NEB: variants seen among roughly 807,000 people sequenced by gnomAD.
NEB encodes nebulin, also known as nemaline myopathy type 2.
A neutral mutation model predicts 952.2 loss-of-function variants in NEB; 512 were observed. That is an observed-to-expected ratio of 0.54 (90% CI 0.50 to 0.58). NEB has a LOEUF of 0.58. Ranked by LOEUF, NEB falls within the 20% of genes least tolerant of loss-of-function variation. NEB has a pLI of 0.00. For missense variants in NEB, 8,428 were observed against 9,231.1 expected (o/e 0.91, Z 3.56); for synonymous variants, 2,900 against 3,149.8 (o/e 0.92, Z 2.66).
In NEB at chr2:151,639,892, C is replaced by T. The variant is rs765225994; in HGVS notation, c.8854G>A (p.Val2952Met). ...GTGATGGCATTATTTTTGGCCAACA[C>T]TTGTTCCAGAGAGTCAGTCACACTG... is the stretch of plus-strand genomic sequence containing the variant. ...FTSVTDSLEQVLAKNNAITMN... is the reference protein window; with the variant it reads ...FTSVTDSLEQMLAKNNAITMN... Residue 2952 changes from valine to methionine, a missense_variant, in exon 62 of 182, where the codon GTG becomes ATG. Physicochemically the swap from Val to Met is conservative, Grantham distance 21 (BLOSUM62 1). This residue lies in a region of NEB where 1,772 missense variants were observed against 1,960.3 expected (regional missense o/e 0.90). Coordinates refer to ENST00000397345, the MANE Select transcript of NEB (RefSeq NM_001164508.2). 1.9e-6 allele frequency: 3 copies of T among 1,613,900 alleles called. No individual in the cohort carries two copies. The South Asian group carries it at 3.3e-5, about 18-fold the overall frequency.
At chr2:151,502,719 T>C in intron 167 of NEB, 74 bp downstream of exon 167, 1 of 825,602 alleles carries the variant, frequency 1.2e-6, no homozygotes, top group Non-Finnish European at 2.0e-6. Context: ...AATTTAGTAA[T>C]TTTACATTTG....
At chr2:151,651,449 C>T (rs555436960) in intron 52 of NEB, among the ~76,000 whole-genome samples, 15 of 152,088 alleles carry the variant, frequency 9.9e-5, no homozygotes, top group Non-Finnish European at 2.1e-4. Context: ...CATTAAATAG[C>T]AGGATCTTTT....
intron 106 of NEB, 138 bp from the exon 107 acceptor site, chr2:151,575,937 CGTAA>C: frequency 1.3e-6 from 1 of 775,108 alleles, no homozygotes; most frequent in Non-Finnish European, 2.1e-6. Flanking sequence ...AATCTTTTCA[CGTAA>C]GTTACTCAAA....
Position 151,685,252 on chromosome 2 carries a change from T to C in NEB, c.2638-277A>G, listed in dbSNP as rs183586235. ...GTCAGGAACAGGAATGATTTTATTC[T>C]AAACCAGGGTTTCTCAAGGACCACT... On this transcript the variant is annotated intron_variant, in intron 27 of 181. Transcript: ENST00000397345. Among the ~76,000 whole-genome samples the C allele has an allele frequency of 3.9e-5, 6 of 152,336 alleles. No homozygotes were observed. The East Asian group carries it at 1.2e-3, about 29-fold the overall frequency.
intron 167 of NEB, 128 bp downstream of exon 167, chr2:151,502,664 GT>G: frequency 1.5e-6 from 1 of 657,612 alleles, no homozygotes; most frequent in South Asian, 1.8e-5. Context: ...TTAGATTTGG[GT>G]TGAAAACTGA....
chr2:151,512,886 C>G, intron 160 of NEB, 49 bp from the exon 161 acceptor site: 1 of 1,283,584 alleles, frequency 7.8e-7, no homozygotes. Flanking sequence ...ATGTGCACAA[C>G]AGTTGTTGGC....
At chr2:151,657,446 G>T (rs765583084) in intron 48 of NEB, among the ~76,000 whole-genome samples, 2 of 152,004 alleles carry the variant, frequency 1.3e-5, no homozygotes. Context: ...CTTTTTTGCC[G>T]GCCAGCGCAG....
intron 145 of NEB, among the ~76,000 whole-genome samples, chr2:151,529,697 AT>A: frequency 6.6e-6 from 1 of 152,112 alleles, no homozygotes; most frequent in Non-Finnish European, 1.5e-5. Flanking sequence ...CACCCGGCTA[AT>A]TTTGTATTTT....
chr2:151,665,587 T>C (rs765865971), intron 41 of NEB, 48 bp from the exon 42 acceptor site: 77 of 1,443,312 alleles, frequency 5.3e-5, no homozygotes, highest in Non-Finnish European at 6.7e-5. Flanking sequence ...TCAGGGCTTG[T>C]GTTTCTTTGG....
At chr2:151,614,785 C>G (rs535702519) in intron 76 of NEB, among the ~76,000 whole-genome samples, 198 bp from the exon 77 acceptor site, 3 of 152,204 alleles carry the variant, frequency 2.0e-5, no homozygotes, top group Admixed American at 1.3e-4. Context: ...ACACCACAAG[C>G]AGGTGGCAGC....
rs771356808 is a variant in NEB at position 151,551,864 on chromosome 2, T to C, written c.19837-19A>G. 40 of 1,570,704 alleles carry C rather than the reference T, an allele frequency of 2.5e-5. No homozygotes were observed. The South Asian group carries it at 3.7e-4, about 14-fold the overall frequency. On this transcript the variant is annotated intron_variant, in intron 128 of 181. Coordinates refer to ENST00000397345, the MANE Select transcript of NEB (RefSeq NM_001164508.2). ...AGACAGCCTGGTGCAGAAAGAAGCA[T>C]TGTTAGAAGCAAAGAGAATGGGAAC...
chr2:151,718,008 C>T (rs891629372), intron 9 of NEB, among the ~76,000 whole-genome samples: 2 of 152,124 alleles, frequency 1.3e-5, no homozygotes, highest in African/African-American at 2.4e-5. Flanking sequence ...CACCCGCCAC[C>T]GTGCCCGGCT....
At chr2:151,488,152 AATTT>A (rs1178429946) in intron 181 of NEB, among the ~76,000 whole-genome samples, 1 of 152,102 alleles carries the variant, frequency 6.6e-6, no homozygotes, top group Non-Finnish European at 1.5e-5. Context: ...CGAGGGGAAT[AATTT>A]ATCAGTGAAT....
At chr2:151,713,978 A>T (rs2099752518) in intron 10 of NEB, among the ~76,000 whole-genome samples, 1 of 152,180 alleles carries the variant, frequency 6.6e-6, no homozygotes, top group African/African-American at 2.4e-5. Flanking sequence ...TCCACCCCAA[A>T]ATATGGCTCC....
At chr2:151,497,870 T>A (rs1330463522) in intron 170 of NEB, 152 bp from the exon 171 acceptor site, 1 of 1,506,016 alleles carries the variant, frequency 6.6e-7, no homozygotes, top group Non-Finnish European at 8.8e-7. Context: ...AAGCTGTTGT[T>A]GGGATAGGGA....
intron 107 of NEB, among the ~76,000 whole-genome samples, chr2:151,572,525 T>A (rs192761288): frequency 2.7e-3 from 395 of 144,010 alleles, no homozygotes; most frequent in Middle Eastern, 0.018. Flanking sequence ...ATATATAAAA[T>A]ATATATATAA....
chr2:151,546,556 A>AC (rs1184464574), intron 133 of NEB, 113 bp from the exon 134 acceptor site: 1 of 460,648 alleles, frequency 2.2e-6, no homozygotes, highest in Non-Finnish European at 3.6e-6. Flanking sequence ...TGGTTCATCT[A>AC]CTTTTTTTTT....
intron 63 of NEB, among the ~76,000 whole-genome samples, chr2:151,636,991 G>A (rs2098773898): frequency 6.6e-6 from 1 of 152,150 alleles, no homozygotes; most frequent in Non-Finnish European, 1.5e-5. Flanking sequence ...GGGTGGGAGG[G>A]AAAGGCTTAA....
chr2:151,579,350 G>A lies in NEB; in HGVS notation c.16692C>T (p.Asp5564=). 1.6e-5 allele frequency: 24 copies of A among 1,519,968 alleles called. 1 individual carries two copies. Among genetic ancestry groups the A allele is most frequent in the Non-Finnish European group, 2.1e-5 (24 of 1,125,716 alleles). 94.2% of individuals were successfully genotyped at this position (1,519,968 alleles called of 1,614,324 possible). ...NDVIQARKAY[D]LQSDALYKAD... The stretch of plus-strand genomic sequence containing the variant: ...GCGACACACTTACGTCGCTCTGTAG[G>A]TCGTAGGCTTTCCTGGCTTGGATCA... Residue 5564 remains aspartate, a synonymous_variant, in exon 105 of 182, where the codon GAC becomes GAT. Coordinates refer to ENST00000397345, the MANE Select transcript of NEB (RefSeq NM_001164508.2).
Sources: gnomAD v4.1 joint callset for allele counts (sites outside exome capture counted in the v4.1 genomes callset) on GRCh38, gnomAD v4.1.1 for gene constraint, gnomAD v4.1.1 regional missense constraint, MANE v1.5 for transcripts, NCBI Gene and HGNC (gene_info 2026-07-23, HGNC 2026-07-21) for gene names.